Variants in NNMT observed in about 807,000 individuals in gnomAD.
NNMT encodes the protein nicotinamide N-methyltransferase.
Under a neutral mutation model 11.7 loss-of-function variants are expected in NNMT, and 10 were observed. The ratio of observed to expected loss-of-function variants is 0.85; its 90% confidence interval spans 0.53 to 1.45. NNMT has a LOEUF of 1.45. NNMT is among the 40% of genes most tolerant of loss of function. The pLI is 0.00. For synonymous variants in NNMT, 143 were observed against 133.8 expected (o/e 1.07, Z -0.48); for missense variants, 381 against 319.4 (o/e 1.19, Z -1.47).
At chr11:114,280,124 T>A (rs545628560) in intron 2 of NNMT, among the ~76,000 whole-genome samples, 124 of 152,090 alleles carry the variant, frequency 8.2e-4, no homozygotes, top group African/African-American at 2.9e-3. Flanking sequence ...GGAGAATGAG[T>A]CAGACAGGGA....
chr11:114,305,165 C>T (rs2135279453), intron 2 of NNMT, among the ~76,000 whole-genome samples: 1 of 152,314 alleles, frequency 6.6e-6, no homozygotes, highest in South Asian at 2.1e-4. Context: ...ATGCACATTA[C>T]AGTAGAAGAA....
At chr11:114,298,958 G>GGTCAGGGA (rs1214727435) in intron 2 of NNMT, among the ~76,000 whole-genome samples, 1 of 152,136 alleles carries the variant, frequency 6.6e-6, no homozygotes, top group Non-Finnish European at 1.5e-5. Context: ...TTCCCCAACT[G>GGTCAGGGA]ACCATTCACT....
At chr11:114,283,856 TG>T (rs1208345833) in intron 2 of NNMT, among the ~76,000 whole-genome samples, 1 of 152,238 alleles carries the variant, frequency 6.6e-6, no homozygotes, top group African/African-American at 2.4e-5. Flanking sequence ...TCTTTTACCC[TG>T]AACATAAAAC....
upstream of NNMT, chr11:114,296,277 T>C (rs1591835562): frequency 3.3e-6 from 1 of 305,500 alleles, no homozygotes; most frequent in East Asian, 5.6e-5. Flanking sequence ...TGGGCAAGCA[T>C]TGCATACAGC....
chr11:114,290,459 T>G (rs1002155768), intron 2 of NNMT, among the ~76,000 whole-genome samples: 2 of 152,204 alleles, frequency 1.3e-5, no homozygotes, highest in Non-Finnish European at 2.9e-5. Flanking sequence ...AATTGGAGTG[T>G]AAGTATTTTA....
chr11:114,275,445 G>A (rs577458956), intron 2 of NNMT, among the ~76,000 whole-genome samples: 1 of 152,312 alleles, frequency 6.6e-6, no homozygotes, highest in East Asian at 1.9e-4. Context: ...GAGAAAGAAT[G>A]GGCTGATTGT....
intron 2 of NNMT, among the ~76,000 whole-genome samples, chr11:114,266,754 T>C (rs1172185513): frequency 6.6e-6 from 1 of 152,230 alleles, no homozygotes; most frequent in Non-Finnish European, 1.5e-5. Context: ...ATAGTGGCTT[T>C]GTTAGAAAAA....
At chr11:114,292,223 T>C (rs1945340344), upstream of NNMT, among the ~76,000 whole-genome samples, 1 of 152,238 alleles carries the variant, frequency 6.6e-6, no homozygotes, top group African/African-American at 2.4e-5. Context: ...TTTATATCTA[T>C]ATATCAGCAT....
chr11:114,273,952 C>G (rs1309553529), intron 2 of NNMT, among the ~76,000 whole-genome samples: 1 of 152,180 alleles, frequency 6.6e-6, no homozygotes, highest in East Asian at 1.9e-4. Flanking sequence ...GACCAGTTAT[C>G]TCTGAACAGG....
chr11:114,309,804 T>C (rs1405329344), intron 2 of NNMT, among the ~76,000 whole-genome samples: 1 of 152,244 alleles, frequency 6.6e-6, no homozygotes, highest in Non-Finnish European at 1.5e-5. Flanking sequence ...CCTCAGCTCC[T>C]GGCAACCACT....
At chr11:114,273,016 G>GA (rs1945183378) in intron 2 of NNMT, among the ~76,000 whole-genome samples, 1 of 152,176 alleles carries the variant, frequency 6.6e-6, no homozygotes, top group African/African-American at 2.4e-5. Flanking sequence ...AATAGCCTGT[G>GA]TTTCTGTGTT....
chr11:114,289,968 C>T (rs1178272661), intron 2 of NNMT, among the ~76,000 whole-genome samples: 1 of 152,204 alleles, frequency 6.6e-6, no homozygotes, highest in Non-Finnish European at 1.5e-5. Context: ...TCGTAGATAG[C>T]ACTTTCTCAC....
At chr11:114,302,589 A>T (rs1945448909) in intron 2 of NNMT, among the ~76,000 whole-genome samples, 1 of 151,886 alleles carries the variant, frequency 6.6e-6, no homozygotes, top group Non-Finnish European at 1.5e-5. Flanking sequence ...TTTAATTTTG[A>T]TTTTTAAAAT....
intron 2 of NNMT, among the ~76,000 whole-genome samples, chr11:114,267,222 G>A (rs776561435): frequency 2.0e-5 from 3 of 152,190 alleles, no homozygotes; most frequent in Non-Finnish European, 4.4e-5. Context: ...CCAAGATCAC[G>A]TCACTGCAGT....
At chr11:114,311,644 AAGTAGCCGCT>A (rs1243363582) in intron 2 of NNMT, among the ~76,000 whole-genome samples, 1 of 152,184 alleles carries the variant, frequency 6.6e-6, no homozygotes, top group Non-Finnish European at 1.5e-5. Flanking sequence ...TGTATGGGTC[AAGTAGCCGCT>A]AACTTACAGT....
At chr11:114,258,560 T>G (rs1303955481) in intron 1 of NNMT, among the ~76,000 whole-genome samples, 7 of 152,256 alleles carry the variant, frequency 4.6e-5, no homozygotes, top group Admixed American at 1.3e-4. Flanking sequence ...ATGACTGGCC[T>G]CAGTGCCCTG....
chr11:114,309,168 C>T (rs1203090880), intron 2 of NNMT, among the ~76,000 whole-genome samples: 2 of 152,118 alleles, frequency 1.3e-5, no homozygotes, highest in Non-Finnish European at 2.9e-5. Context: ...TATTATTATT[C>T]CTATGTGCAG....
chr11:114,306,746 C>T lies in NNMT; in HGVS notation c.363-5299C>T, dbSNP rs148631147. On this transcript the variant is annotated intron_variant, in intron 2 of 2. Coordinates refer to ENST00000299964, the MANE Select transcript of NNMT (RefSeq NM_006169.3). ...TACCAGTACCATGCTGTTTTGGTTA[C>T]TGTAGCCTTGTAGTACAGTTTGAAG... 7.7e-4 allele frequency among the ~76,000 whole-genome samples: 117 copies of T among 152,276 alleles called. 1 individual carries two copies. The East Asian group carries it at 0.021, about 28-fold the overall frequency.
intron 1 of NNMT, chr11:114,297,492 T>TC (rs1945393465): frequency 6.6e-6 from 1 of 151,162 alleles, no homozygotes; most frequent in Non-Finnish European, 1.5e-5. Flanking sequence ...TTTTTTTTTT[T>TC]TTTTTGGAGA....
Sources: allele counts gnomAD v4.1 joint callset (sites outside exome capture counted in the v4.1 genomes callset), GRCh38; gene constraint gnomAD v4.1.1; transcripts MANE v1.5; gene names NCBI Gene and HGNC (gene_info 2026-07-23, HGNC 2026-07-21).